Variants in ZFYVE28 observed in about 807,000 individuals in gnomAD.
The protein encoded by ZFYVE28 is zinc finger FYVE-type containing 28.
In ZFYVE28, 40 loss-of-function variants were observed where a neutral mutation model predicts 82.1. The ratio of observed to expected loss-of-function variants is 0.49; its 90% CI spans 0.38 to 0.63. The LOEUF (loss-of-function observed/expected upper bound fraction) is 0.63. ZFYVE28 is among the 30% of genes least tolerant of loss of function. The probability of loss-of-function intolerance (pLI) is 0.00; values close to 1 mark genes in which losing one functional copy is unlikely to be tolerated. For synonymous variants in ZFYVE28, 612 were observed against 546.1 expected (o/e 1.12, Z -1.68); for missense variants, 1,321 against 1,242.1 (o/e 1.06, Z -0.96).
At position 2,273,194 on chromosome 4, in the gene ZFYVE28, C is replaced by T. The variant is rs565162048; in HGVS notation, c.2302G>A (p.Asp768Asn). ...TCACCCTTCCTTAACTTTTCCTTGT[C>T]GTCTGTTTCAGGCTTGGTGGCCATG... The part of the protein sequence containing the change: ...EVMATKPETD[D>N]KEKLRKVTQT... Residue 768 changes from aspartate (D) to asparagine (N), a missense_variant, in exon 10 of 13, where the codon GAC becomes AAC. By Grantham distance (23) the Asp-to-Asn change is conservative. Around this residue, in one of 2 missense-constraint regions of ZFYVE28, gnomAD observed 978 missense variants for 833.7 expected, o/e 1.17. Coordinates refer to ENST00000290974, the MANE Select transcript of ZFYVE28 (RefSeq NM_020972.3). 132 of 1,613,744 alleles carry T rather than the reference C, an allele frequency of 8.2e-5. No homozygotes were observed. The South Asian group carries it at 1.2e-3, about 15-fold the overall frequency.
At chr4:2,317,936 G>C (rs1034388478) in intron 7 of ZFYVE28, among the ~76,000 whole-genome samples, 3 of 152,154 alleles carry the variant, frequency 2.0e-5, no homozygotes, top group African/African-American at 4.8e-5. Flanking sequence ...CCGGCCTCAA[G>C]GCATGCTTTT....
At position 2,337,464 on chromosome 4, in the gene ZFYVE28, G is replaced by T; in HGVS notation, c.554C>A (p.Pro185His). The change falls in exon 5 of 13, where the codon CCC becomes CAC. Residue 185 changes from proline (P) to histidine (H), a missense_variant. Pro to His is a moderately conservative substitution (Grantham distance 77). This residue lies in a region of ZFYVE28 where 343 missense variants were observed against 408.4 expected (regional missense o/e 0.84). Coordinates refer to ENST00000290974, the MANE Select transcript of ZFYVE28 (RefSeq NM_020972.3). ...YVSAMVPVKSPREYYVQQEVI... is the reference protein window; with the variant it reads ...YVSAMVPVKSHREYYVQQEVI... ...CTCCTGCTGCACGTAGTACTCCCTG[G>T]GGGACTTCACAGGCACCATGGCCGA... The T allele has an allele frequency of 6.2e-7, 1 of 1,610,152 alleles. No individual in the cohort carries two copies. The highest frequency in any genetic ancestry group is 2.2e-5 in the East Asian group (1 of 44,762).
chr4:2,285,042 G>A (rs1712512915), intron 8 of ZFYVE28, among the ~76,000 whole-genome samples: 1 of 152,216 alleles, frequency 6.6e-6, no homozygotes, highest in Non-Finnish European at 1.5e-5. Flanking sequence ...TTAAGATAAG[G>A]TCATCCAGGA....
At chr4:2,365,368 T>TC (rs147374850) in intron 1 of ZFYVE28, among the ~76,000 whole-genome samples, 2 of 151,406 alleles carry the variant, frequency 1.3e-5, no homozygotes, top group Non-Finnish European at 2.9e-5. Flanking sequence ...AAAGGGCGTG[T>TC]CCCCCCCAAC....
chr4:2,368,860 G>A (rs1216411495), intron 1 of ZFYVE28, among the ~76,000 whole-genome samples: 1 of 152,236 alleles, frequency 6.6e-6, no homozygotes. Context: ...TGGCACTTCT[G>A]TGTTTAACTT....
rs548777353 is a variant in ZFYVE28 at position 2,408,827 on chromosome 4, C to T, written c.39+9458G>A. 7.2e-5 allele frequency among the ~76,000 whole-genome samples: 11 copies of T among 151,772 alleles called. No homozygotes were observed. In the East Asian group the frequency reaches 2.1e-3, roughly 29 times the overall value. The stretch of plus-strand genomic sequence containing the variant: ...CCACGCCCAGGTGAGCCCCGCCCCA[C>T]GGGCTGATCCACCCAATCCTGACGT... On this transcript the variant is annotated intron_variant, in intron 1 of 12. Coordinates refer to ENST00000290974, the MANE Select transcript of ZFYVE28 (RefSeq NM_020972.3). This position sits in a 1 kb window ranked among gnomAD's most constrained non-coding sequence, Gnocchi z 4.3.
chr4:2,271,209 C>G, intron 12 of ZFYVE28, 102 bp downstream of exon 12: 1 of 1,246,574 alleles, frequency 8.0e-7, no homozygotes, highest in South Asian at 1.4e-5. Flanking sequence ...CCACAGGCCT[C>G]GCTGGCCTCC....
Position 2,341,461 on chromosome 4 carries a change from G to C in ZFYVE28, c.318+17C>G. 1 of 1,611,990 alleles carries C rather than the reference G, an allele frequency of 6.2e-7. No homozygotes were observed. Among genetic ancestry groups the C allele is most frequent in the Non-Finnish European group, 8.5e-7 (1 of 1,179,768 alleles). On this transcript the variant is annotated intron_variant, in intron 3 of 12. Coordinates refer to ENST00000290974, the MANE Select transcript of ZFYVE28 (RefSeq NM_020972.3). The surrounding 1 kb of genome is among the most constrained non-coding windows in gnomAD (Gnocchi z 4.5). The stretch of plus-strand genomic sequence containing the variant: ...ACCCCACATCAGGACCTCCGAACCC[G>C]GGTGGCCACCCGCTACCTCGGCACC...
chr4:2,399,719 C>T (rs1010568557), intron 1 of ZFYVE28, among the ~76,000 whole-genome samples: 3 of 152,110 alleles, frequency 2.0e-5, no homozygotes, highest in East Asian at 1.9e-4. Flanking sequence ...TGGCGATACT[C>T]GGATCCCAAG....
At position 2,342,983 on chromosome 4, in the gene ZFYVE28, G is replaced by T. The variant is rs553571219; in HGVS notation, c.181-1368C>A. ...CATGTACGTAATACTGCCTTCTGCT[G>T]TTGTAGCTGCTGCAACATGTTATTA... is the stretch of plus-strand genomic sequence containing the variant. On this transcript the variant is annotated intron_variant, in intron 2 of 12. Coordinates refer to ENST00000290974, the MANE Select transcript of ZFYVE28 (RefSeq NM_020972.3). The T allele has an allele frequency of 6.6e-5, 10 of 152,318 alleles. No homozygotes were observed. In the East Asian group the frequency reaches 1.9e-3, roughly 29 times the overall value. The allele number at this position is 152,318 out of a possible 1,614,324, so 9.4% of individuals were successfully genotyped here.
At chr4:2,365,069 C>T (rs1454638270) in intron 1 of ZFYVE28, among the ~76,000 whole-genome samples, 1 of 150,820 alleles carries the variant, frequency 6.6e-6, no homozygotes, top group East Asian at 2.0e-4. Context: ...GAAGGGCGAG[C>T]AGTGGAGCTG....
Position 2,341,333 on chromosome 4 carries a change from C to T in ZFYVE28, c.318+145G>A. The T allele has an allele frequency of 3.4e-6, 4 of 1,176,002 alleles. No homozygotes were observed. Among genetic ancestry groups the T allele is most frequent in the Non-Finnish European group, 4.8e-6 (4 of 830,936 alleles). 72.8% of individuals were successfully genotyped at this position (1,176,002 alleles called of 1,614,324 possible). ...GGTGCACGGCCTACCAGGCTCAGAC[C>T]ACACCACGTAACCCAGAGTGGACGG... is the stretch of plus-strand genomic sequence containing the variant. On this transcript the variant is annotated intron_variant, in intron 3 of 12. Transcript: ENST00000290974. This position sits in a 1 kb window ranked among gnomAD's most constrained non-coding sequence, Gnocchi z 4.5.
rs1365984271 is a variant in ZFYVE28, at chr4:2,288,282, G to C, written c.2052-14066C>G. Among the ~76,000 whole-genome samples, 3 of 152,198 alleles carry C rather than the reference G, an allele frequency of 2.0e-5. No homozygotes were observed. The East Asian group carries it at 5.8e-4, about 29-fold the overall frequency. On this transcript the variant is annotated intron_variant, in intron 8 of 12. Coordinates refer to ENST00000290974, the MANE Select transcript of ZFYVE28 (RefSeq NM_020972.3). Reference sequence around the variant, plus strand: ...GCCTCCATCTCCTAAGCCCCCCTGTGGCCCCAGAGCTGGCTCCCAGGAAAA... The same window carrying C: ...GCCTCCATCTCCTAAGCCCCCCTGTCGCCCCAGAGCTGGCTCCCAGGAAAA...
In ZFYVE28 at chr4:2,332,430, G is replaced by A. The variant is rs955522560; in HGVS notation, c.701+3275C>T. On this transcript the variant is annotated intron_variant, in intron 6 of 12. Transcript: ENST00000290974. The surrounding 1 kb of genome is among the most constrained non-coding windows in gnomAD (Gnocchi z 4.7). Reference sequence around the variant, plus strand: ...CCTGCACAGCTCCCACCTCTGGGCCGGCTGCCCTGGGGAGCCTCTCCCTCA... The same window carrying A: ...CCTGCACAGCTCCCACCTCTGGGCCAGCTGCCCTGGGGAGCCTCTCCCTCA... Among the ~76,000 whole-genome samples the A allele has an allele frequency of 3.9e-5, 6 of 152,138 alleles. No homozygotes were observed. Among genetic ancestry groups the A allele is most frequent in the South Asian group, 2.1e-4 (1 of 4,832 alleles).
chr4:2,350,334 G>C (rs1323868466), intron 2 of ZFYVE28, among the ~76,000 whole-genome samples: 1 of 151,946 alleles, frequency 6.6e-6, no homozygotes, highest in Non-Finnish European at 1.5e-5. Flanking sequence ...CGAGGTGGCG[G>C]GCGCCTGTAG....
intron 7 of ZFYVE28, among the ~76,000 whole-genome samples, chr4:2,310,705 G>A (rs1717351377): frequency 6.6e-6 from 1 of 152,246 alleles, no homozygotes; most frequent in African/African-American, 2.4e-5. Flanking sequence ...TCAGGAGGCT[G>A]AGGTGGGAGG....
intron 8 of ZFYVE28, among the ~76,000 whole-genome samples, chr4:2,288,476 T>G (rs1370740812): frequency 6.6e-6 from 1 of 152,196 alleles, no homozygotes; most frequent in Non-Finnish European, 1.5e-5. Context: ...CGAGGGGCTC[T>G]GGGCTGGCAA....
intron 1 of ZFYVE28, among the ~76,000 whole-genome samples, chr4:2,397,349 G>A (rs1238901485): frequency 4.0e-5 from 6 of 151,894 alleles, no homozygotes; most frequent in East Asian, 1.9e-4. Context: ...GTGGCGGCAC[G>A]TGCCTGTAAT....
At chr4:2,293,752 C>CAAA (rs71644322) in intron 8 of ZFYVE28, among the ~76,000 whole-genome samples, 17 of 83,878 alleles carry the variant, frequency 2.0e-4, no homozygotes, top group East Asian at 4.3e-4. Context: ...GACTCCATCT[C>CAAA]AAAAAAAAAA....
Sources: gnomAD v4.1 joint callset for allele counts (sites outside exome capture counted in the v4.1 genomes callset) on GRCh38, gnomAD v4.1.1 for gene constraint, gnomAD v4.1.1 regional missense constraint, Gnocchi (gnomAD v3.1) non-coding constraint, MANE v1.5 for transcripts, NCBI Gene and HGNC (gene_info 2026-07-23, HGNC 2026-07-21) for gene names.